The following USP49 variants were observed in gnomAD, a reference collection of about 807,000 sequenced individuals.
The protein encoded by USP49 is ubiquitin specific peptidase 49, also known as ubiquitin carboxyl-terminal hydrolase 49.
A neutral mutation model predicts 58.6 loss-of-function variants in USP49; 24 were observed. The observed-to-expected ratio is 0.41, with a 90% CI of 0.30 to 0.58. The LOEUF is 0.58. USP49 is among the 20% of genes least tolerant of loss of function. USP49 has a pLI of 0.30. For synonymous variants in USP49, 408 were observed against 365.1 expected (o/e 1.12, Z -1.34); for missense variants, 703 against 866.1 (o/e 0.81, Z 2.36).
At chr6:41,813,026 T>C (rs1467487301) in intron 3 of USP49, among the ~76,000 whole-genome samples, 2 of 152,214 alleles carry the variant, frequency 1.3e-5, no homozygotes, top group Non-Finnish European at 2.9e-5. Context: ...AGTACTATAG[T>C]AACTAGTCAC....
chr6:41,814,763 G>GC (rs1327219408), intron 3 of USP49, among the ~76,000 whole-genome samples: 1 of 152,184 alleles, frequency 6.6e-6, no homozygotes, highest in African/African-American at 2.4e-5. Flanking sequence ...GTCTTGGTGA[G>GC]ACCAAGTGGC....
chr6:41,843,307 A>G (rs1773861000), intron 3 of USP49, among the ~76,000 whole-genome samples: 1 of 152,240 alleles, frequency 6.6e-6, no homozygotes, highest in Admixed American at 6.5e-5. Context: ...CTAAAAGTAT[A>G]AATTAAATTA....
chr6:41,822,086 G>A (rs983057043), intron 3 of USP49, among the ~76,000 whole-genome samples: 1 of 152,154 alleles, frequency 6.6e-6, no homozygotes, highest in Admixed American at 6.5e-5. Context: ...ATGTATAGTA[G>A]AGTAATAGAA....
rs1376262436 is a variant in USP49 at position 41,796,246 on chromosome 6, C to CCG, written c.*286_*287insCG. 5.6e-4 allele frequency: 173 copies of CCG among 310,048 alleles called. No individual in the cohort carries two copies. Among genetic ancestry groups the CCG allele is most frequent in the Non-Finnish European group, 5.5e-5 (9 of 164,684 alleles). 19.2% of individuals were successfully genotyped at this position (310,048 alleles called of 1,614,324 possible). Reference sequence around the variant, plus strand: ...TGTGGATATGATTGATTTACCCCCCCGCCCCGCTTTCCTCCACCCAGATCC... The same window carrying CCG: ...TGTGGATATGATTGATTTACCCCCCCCGGCCCCGCTTTCCTCCACCCAGATCC... On this transcript the variant is annotated 3_prime_UTR_variant, in exon 8 of 8. Transcript: ENST00000682992.
intron 3 of USP49, among the ~76,000 whole-genome samples, chr6:41,846,478 T>C (rs1773925411): frequency 6.6e-6 from 1 of 152,152 alleles, no homozygotes; most frequent in Non-Finnish European, 1.5e-5. Context: ...AAATAGATAT[T>C]CAGATTATTT....
intron 3 of USP49, among the ~76,000 whole-genome samples, chr6:41,840,420 A>G (rs1462978202): frequency 6.6e-6 from 1 of 151,946 alleles, no homozygotes; most frequent in Non-Finnish European, 1.5e-5. Flanking sequence ...GTGCTATAAT[A>G]GAGATTTTGG....
At chr6:41,818,004 A>G (rs1440170985) in intron 3 of USP49, among the ~76,000 whole-genome samples, 1 of 152,166 alleles carries the variant, frequency 6.6e-6, no homozygotes, top group East Asian at 1.9e-4. Flanking sequence ...TATTTTCAGG[A>G]TGAAACTACT....
chr6:41,806,572 G>C lies in USP49; in HGVS notation c.412C>G (p.Gln138Glu), dbSNP rs1773137567. The C allele has an allele frequency of 6.2e-7, 1 of 1,603,802 alleles. No individual in the cohort carries two copies. Among genetic ancestry groups the C allele is most frequent in the African/African-American group, 1.3e-5 (1 of 74,890 alleles). The change falls in exon 4 of 8, where the codon CAG becomes GAG. Residue 138 changes from glutamine to glutamate, a missense_variant. By Grantham distance (29) the Gln-to-Glu change is conservative. This residue lies in a region of USP49 where 376 missense variants were observed against 373.5 expected (regional missense o/e 1.01). Transcript: ENST00000682992. The surrounding 1 kb of genome is among the most constrained non-coding windows in gnomAD (Gnocchi z 5.9). The stretch of plus-strand genomic sequence containing the variant: ...CGGTACCACAGAGCCGTGAGCATCT[G>C]CGGCTGTCCCTGAGGAGCGCGCTGC... ...LPQRAPQGQP[Q>E]MLTALWYRRQ...
At chr6:41,893,767 T>C (rs1176556547) in intron 1 of USP49, among the ~76,000 whole-genome samples, 1 of 152,178 alleles carries the variant, frequency 6.6e-6, no homozygotes, top group African/African-American at 2.4e-5. Context: ...AGATTCAAGA[T>C]TTCTTGAGAG....
In USP49 at chr6:41,890,470, C is replaced by T. The variant is rs530014072; in HGVS notation, c.-103+1324G>A. On this transcript the variant is annotated intron_variant, in intron 2 of 7. Transcript: ENST00000682992. Reference sequence around the variant, plus strand: ...GCTCACATCTGTAATACCAGCACTTCGGGAGGTTAAGGTGGGCAGATTTTT... The same window carrying T: ...GCTCACATCTGTAATACCAGCACTTTGGGAGGTTAAGGTGGGCAGATTTTT... Among the ~76,000 whole-genome samples, 6 of 151,692 alleles carry T rather than the reference C, an allele frequency of 4.0e-5. No homozygotes were observed. The South Asian group carries it at 6.3e-4, about 16-fold the overall frequency.
At chr6:41,885,195 C>A (rs963191583) in intron 2 of USP49, among the ~76,000 whole-genome samples, 1 of 152,194 alleles carries the variant, frequency 6.6e-6, no homozygotes, top group Non-Finnish European at 1.5e-5. Flanking sequence ...TGGCTGCCAA[C>A]GTAGGTGTTG....
Position 41,796,713 on chromosome 6 carries a change from G to A in USP49, c.1887C>T (p.Val629=), listed in dbSNP as rs1316956671. The change falls in exon 8 of 8, where the codon GTC becomes GTT. Residue 629 remains valine, a synonymous_variant. Transcript: ENST00000682992. ...CATTCAGCTTTGAGTCATTGCAGTG[G>A]ACCCAAAAACCTAGGAAACCAAAGG... ...YCYNTEGGFW[V]HCNDSKLNVC... is the part of the protein sequence containing the mutation. 1 of 716,638 alleles carries A rather than the reference G, an allele frequency of 1.4e-6. No homozygotes were observed. Among genetic ancestry groups the A allele is most frequent in the Non-Finnish European group, 2.6e-6 (1 of 384,840 alleles). 44.4% of individuals were successfully genotyped at this position (716,638 alleles called of 1,614,324 possible).
chr6:41,873,354 A>G (rs964523148), intron 2 of USP49, among the ~76,000 whole-genome samples: 1 of 152,218 alleles, frequency 6.6e-6, no homozygotes, highest in Non-Finnish European at 1.5e-5. Context: ...GAGGGAGCCA[A>G]GTTTCACATG....
At chr6:41,843,979 G>T (rs1773875002) in intron 3 of USP49, among the ~76,000 whole-genome samples, 1 of 152,156 alleles carries the variant, frequency 6.6e-6, no homozygotes, top group Admixed American at 6.6e-5. Flanking sequence ...AGGAGGTGGA[G>T]GTGGCAGTGA....
chr6:41,819,303 T>C (rs1773413531), intron 3 of USP49, among the ~76,000 whole-genome samples: 1 of 152,154 alleles, frequency 6.6e-6, no homozygotes, highest in Non-Finnish European at 1.5e-5. Context: ...TCCGAACTAA[T>C]GGCTCCCTGT....
chr6:41,806,299 GGGC>G lies in USP49; in HGVS notation c.682_684del (p.Ala228del). On this transcript the variant is annotated inframe_deletion, in exon 4 of 8. Transcript: ENST00000682992. The surrounding 1 kb of genome is among the most constrained non-coding windows in gnomAD (Gnocchi z 5.9). Reference sequence around the variant, plus strand: ...GCGGGCACTCTGCGTGAGGTAGGGAGGGCGGCGGGGCGCGAGGCAGCCGGGCCC... The same window carrying G: ...GCGGGCACTCTGCGTGAGGTAGGGAGGGCGGGGCGCGAGGCAGCCGGGCCC... 2 of 1,588,318 alleles carry G rather than the reference GGGC, an allele frequency of 1.3e-6. No individual in the cohort carries two copies. Among genetic ancestry groups the G allele is most frequent in the Non-Finnish European group, 1.7e-6 (2 of 1,172,708 alleles).
chr6:41,864,541 C>G (rs993869104), intron 3 of USP49, among the ~76,000 whole-genome samples: 5 of 152,058 alleles, frequency 3.3e-5, no homozygotes. Context: ...CCAGCCTCGG[C>G]GACAGAGTGA....
chr6:41,875,638 C>T (rs1774490281), intron 2 of USP49, among the ~76,000 whole-genome samples: 1 of 152,210 alleles, frequency 6.6e-6, no homozygotes, highest in Admixed American at 6.5e-5. Flanking sequence ...CACTACCCAT[C>T]CACTCCATTA....
intron 3 of USP49, among the ~76,000 whole-genome samples, chr6:41,838,560 A>G (rs188274622): frequency 0.011 from 1,704 of 152,288 alleles, 16 homozygotes; most frequent in Middle Eastern, 0.048. Context: ...CCCTATCCCT[A>G]GGGGAAGGGG....
Sources: gnomAD v4.1 joint callset for allele counts (sites outside exome capture counted in the v4.1 genomes callset) on GRCh38, gnomAD v4.1.1 for gene constraint, gnomAD v4.1.1 regional missense constraint, Gnocchi (gnomAD v3.1) non-coding constraint, MANE v1.5 for transcripts, NCBI Gene and HGNC (gene_info 2026-07-23, HGNC 2026-07-21) for gene names.